SLC67A1: variants seen among roughly 807,000 people sequenced by gnomAD.
SLC67A1 encodes solute carrier family 67 member 1, also known as solute carrier family 67 member A1.
chr11:2,920,947 G>C, the SLC67A1 span: 45 of 152,178 alleles, frequency 3.0e-4, no homozygotes, highest in African/African-American at 1.1e-3. Context: ...TAGGCCGGGC[G>C]CGGTGGCTCA....
the SLC67A1 span, among the ~76,000 whole-genome samples, chr11:2,907,611 T>C: frequency 9.9e-5 from 15 of 152,132 alleles, no homozygotes; most frequent in East Asian, 2.9e-3. The surrounding 1 kb of genome is among the most constrained non-coding windows in gnomAD (Gnocchi z 6.7). Context: ...ACATATGAAT[T>C]TGGGGGGTAC....
At chr11:2,904,808 GA>G in the SLC67A1 span, among the ~76,000 whole-genome samples, 1 of 152,240 alleles carries the variant, frequency 6.6e-6, no homozygotes, top group Non-Finnish European at 1.5e-5. Context: ...AGCAGGGCTG[GA>G]AGGAAGCAGG....
the SLC67A1 span, chr11:2,909,680 T>C: frequency 4.5e-6 from 7 of 1,542,790 alleles, no homozygotes; most frequent in Non-Finnish European, 5.2e-6. Context: ...CTCGGCTCCC[T>C]GCTGGGCGGG....
the SLC67A1 span, among the ~76,000 whole-genome samples, chr11:2,923,541 C>T: frequency 1.1e-4 from 16 of 152,330 alleles, 1 homozygote; most frequent in East Asian, 2.1e-3. This position sits in a 1 kb window ranked among gnomAD's most constrained non-coding sequence, Gnocchi z 6.5. Context: ...CGGATGTGGC[C>T]GGGCTGCAAA....
chr11:2,908,411 G>A, the SLC67A1 span: 1 of 1,077,358 alleles, frequency 9.3e-7, no homozygotes. Context: ...GACGGGCCAG[G>A]TTCCCTGACC....
the SLC67A1 span, chr11:2,915,157 G>T: frequency 1.0e-6 from 1 of 985,414 alleles, no homozygotes; most frequent in East Asian, 1.1e-4. Flanking sequence ...GAAATGAGGG[G>T]TGGCCAATGC....
the SLC67A1 span, chr11:2,922,392 C>T: frequency 1.3e-6 from 2 of 1,597,290 alleles, no homozygotes; most frequent in Non-Finnish European, 1.7e-6. Context: ...GGAGCCTGGT[C>T]CCGTGAGGCC....
At chr11:2,916,762 C>T in the SLC67A1 span, 5 of 1,597,714 alleles carry the variant, frequency 3.1e-6, no homozygotes, top group Admixed American at 8.3e-5. Flanking sequence ...CAGGTACACC[C>T]TGCCCAGATG....
chr11:2,902,922 A>C, the SLC67A1 span, among the ~76,000 whole-genome samples: 1 of 152,236 alleles, frequency 6.6e-6, no homozygotes, highest in Non-Finnish European at 1.5e-5. Context: ...CTCTGGCCAC[A>C]GAAGGCGCTG....
the SLC67A1 span, chr11:2,899,938 C>T: frequency 2.0e-6 from 1 of 493,620 alleles, no homozygotes; most frequent in Non-Finnish European, 3.6e-6. Flanking sequence ...CCCAGGGAAC[C>T]CAGGAGGCGT....
chr11:2,903,796 C>G, the SLC67A1 span: 2 of 404,030 alleles, frequency 5.0e-6, no homozygotes, highest in Non-Finnish European at 4.6e-6. Context: ...GCCTCTCACC[C>G]GGCAGCCTTT....
chr11:2,912,081 C>T, the SLC67A1 span, among the ~76,000 whole-genome samples: 1 of 152,224 alleles, frequency 6.6e-6, no homozygotes, highest in Non-Finnish European at 1.5e-5. Flanking sequence ...CTCCCCAGTC[C>T]CCGTCCAAGG....
chr11:2,910,990 G>A, the SLC67A1 span, among the ~76,000 whole-genome samples: 1 of 152,168 alleles, frequency 6.6e-6, no homozygotes, highest in Non-Finnish European at 1.5e-5. Context: ...CATGTTTCGG[G>A]GCTGGGAGGT....
the SLC67A1 span, chr11:2,916,577 G>A: frequency 1.4e-6 from 2 of 1,471,610 alleles, no homozygotes; most frequent in Non-Finnish European, 1.9e-6. Flanking sequence ...GGGGCGCCTG[G>A]GCCCTGGGAC....
chr11:2,917,221 G>T, the SLC67A1 span, among the ~76,000 whole-genome samples: 3 of 152,196 alleles, frequency 2.0e-5, no homozygotes, highest in Non-Finnish European at 4.4e-5. Flanking sequence ...CCTCAGAGGG[G>T]GTCCCCTCAA....
At chr11:2,925,079 T>G in the SLC67A1 span, 1 of 1,613,794 alleles carries the variant, frequency 6.2e-7, no homozygotes, top group Admixed American at 1.7e-5. This position sits in a 1 kb window ranked among gnomAD's most constrained non-coding sequence, Gnocchi z 6.5. Flanking sequence ...GTCGGCGGCC[T>G]CCTGTACCGC....
At chr11:2,904,501 A>C in the SLC67A1 span, among the ~76,000 whole-genome samples, 2 of 152,230 alleles carry the variant, frequency 1.3e-5, no homozygotes, top group East Asian at 1.9e-4. Context: ...TCTCATCATA[A>C]AATGGGTAAT....
At chr11:2,912,387 G>A in the SLC67A1 span, among the ~76,000 whole-genome samples, 15 of 152,354 alleles carry the variant, frequency 9.8e-5, no homozygotes, top group East Asian at 3.9e-4. Context: ...CTGCCCCAAC[G>A]CCTGCAGCCT....
chr11:2,912,536 G>A, the SLC67A1 span, among the ~76,000 whole-genome samples: 1 of 152,104 alleles, frequency 6.6e-6, no homozygotes, highest in South Asian at 2.1e-4. Context: ...ACCCACCTGT[G>A]TATCCCATTC....
Sources: gnomAD v4.1 joint callset for allele counts (sites outside exome capture counted in the v4.1 genomes callset) on GRCh38, gnomAD v4.1.1 for gene constraint, Gnocchi (gnomAD v3.1) non-coding constraint, MANE v1.5 for transcripts, NCBI Gene and HGNC (gene_info 2026-07-23, HGNC 2026-07-21) for gene names.